The following VPS29 variants were observed in gnomAD, a reference collection of about 807,000 sequenced individuals.
VPS29 encodes VPS29 retromer complex component, also known as vacuolar protein sorting-associated protein 29.
In VPS29, 2 loss-of-function variants were observed where a neutral mutation model predicts 20.0. The ratio of observed to expected loss-of-function variants is 0.10; its 90% CI spans 0.04 to 0.31. VPS29 has a LOEUF of 0.31. VPS29 is among the 10% of genes least tolerant of loss of function. The pLI is 1.00. For synonymous variants in VPS29, 81 were observed against 79.3 expected, an observed-to-expected ratio of 1.02 and a Z score of -0.12; for missense variants, 120 against 215.3, an observed-to-expected ratio of 0.56 and a Z score of 2.77.
intron 1 of VPS29, chr12:110,499,303 C>T (rs761928403): frequency 3.4e-5 from 16 of 469,988 alleles, no homozygotes; most frequent in South Asian, 8.0e-5. Flanking sequence ...AACATGTTCC[C>T]GCCCAAATTC....
At position 110,496,096 on chromosome 12, in the gene VPS29, T is replaced by G; in HGVS notation, c.111A>C (p.Thr37=). The G allele has an allele frequency of 1.2e-6, 2 of 1,614,128 alleles. No individual in the cohort carries two copies. Among genetic ancestry groups the G allele is most frequent in the South Asian group, 2.2e-5 (2 of 91,076 alleles). The change falls in exon 2 of 4, where the codon ACA becomes ACC. Residue 37 remains threonine, a synonymous_variant. Transcript: ENST00000549578. ...VPGKIQHILC[T]GNLCTKESYD... is the part of the protein sequence containing the mutation. ...AACTCTCTTTGGTGCAAAGGTTTCC[T>G]GTGCAGAGAATGTGCTGAATTTTTC...
chr12:110,495,668 C>T (rs2062894779), intron 2 of VPS29, among the ~76,000 whole-genome samples: 1 of 152,088 alleles, frequency 6.6e-6, no homozygotes, highest in Non-Finnish European at 1.5e-5. Flanking sequence ...GATCGTGCCA[C>T]TGCATTCCAG....
intron 1 of VPS29, among the ~76,000 whole-genome samples, chr12:110,500,823 GA>G (rs1440962306): frequency 6.6e-6 from 1 of 151,906 alleles, no homozygotes. Flanking sequence ...ACACAGGGTG[GA>G]AGGGGACCCG....
chr12:110,499,843 C>G (rs529905686), intron 1 of VPS29, among the ~76,000 whole-genome samples: 1 of 152,102 alleles, frequency 6.6e-6, no homozygotes, highest in Non-Finnish European at 1.5e-5. Context: ...TAATCTTGTT[C>G]TGTACATCGA....
rs904200816 is a variant in VPS29 at position 110,491,894 on chromosome 12, T to C, written c.*111A>G. On this transcript the variant is annotated 3_prime_UTR_variant, in exon 4 of 4. Coordinates refer to ENST00000549578, the MANE Select transcript of VPS29 (RefSeq NM_016226.5). Reference sequence around the variant, plus strand: ...TAACAGAGAAGATGGTATTATATTTTACTGCAAAATATTATAAAAGTGATA... The same window carrying C: ...TAACAGAGAAGATGGTATTATATTTCACTGCAAAATATTATAAAAGTGATA... The C allele has an allele frequency of 1.3e-6, 1 of 766,762 alleles. No homozygotes were observed. The highest frequency in any genetic ancestry group is 2.2e-6 in the Non-Finnish European group (1 of 452,358). The allele number at this position is 766,762 out of a possible 1,614,324, so 47.5% of individuals were successfully genotyped here. A position where few individuals can be genotyped will look rare whatever the true frequency, so the allele number is the denominator to read the frequency against.
At chr12:110,495,934 C>G in intron 2 of VPS29, 78 bp downstream of exon 2, 3 of 1,324,816 alleles carry the variant, frequency 2.3e-6, no homozygotes, top group Non-Finnish European at 3.0e-6. Context: ...GTTGAGAAAC[C>G]CTGGTCTAAA....
chr12:110,499,442 T>C, intron 1 of VPS29: 1 of 1,555,906 alleles, frequency 6.4e-7, no homozygotes, highest in Non-Finnish European at 8.7e-7. Flanking sequence ...ATTCGGTTAC[T>C]TCCTTTCAAC....
chr12:110,502,056 TCACCGGGCTCCGCTCAGTCACCAC>T lies in VPS29; in HGVS notation c.-29_-6del. ...CGCAACTGCAGCCCTCACCATCCTG[TCACCGGGCTCCGCTCAGTCACCAC>T]CACCGTCGCCGCCCTCTTCCTCAGG... is the stretch of plus-strand genomic sequence containing the variant. On this transcript the variant is annotated 5_prime_UTR_variant, in exon 1 of 4. Coordinates refer to ENST00000549578, the MANE Select transcript of VPS29 (RefSeq NM_016226.5). 6.2e-7 allele frequency: 1 copy of T among 1,612,208 alleles called. No homozygotes were observed. The highest frequency in any genetic ancestry group is 8.5e-7 in the Non-Finnish European group (1 of 1,179,876).
intron 3 of VPS29, 153 bp downstream of exon 3, chr12:110,492,843 C>T (rs901859413): frequency 1.5e-6 from 1 of 680,964 alleles, no homozygotes; most frequent in East Asian, 2.8e-5. Flanking sequence ...AGGCTGGTCT[C>T]AAACTCCTGG....
intron 1 of VPS29, among the ~76,000 whole-genome samples, chr12:110,500,152 T>G (rs1201095875): frequency 6.6e-6 from 1 of 152,152 alleles, no homozygotes; most frequent in Non-Finnish European, 1.5e-5. Flanking sequence ...GACAAAATAA[T>G]AAAAACAAAC....
chr12:110,497,719 T>C (rs2062931342), intron 1 of VPS29, among the ~76,000 whole-genome samples: 1 of 151,566 alleles, frequency 6.6e-6, no homozygotes, highest in Admixed American at 6.6e-5. Flanking sequence ...GGTAAAACAC[T>C]GTCTTTACTA....
chr12:110,494,699 A>T (rs370292649), intron 2 of VPS29, among the ~76,000 whole-genome samples: 1 of 151,898 alleles, frequency 6.6e-6, no homozygotes, highest in East Asian at 1.9e-4. Context: ...TCCCATTATT[A>T]ACTAATGGGA....
intron 2 of VPS29, 42 bp from the exon 3 acceptor site, chr12:110,493,273 A>C: frequency 7.4e-7 from 1 of 1,351,662 alleles, no homozygotes; most frequent in Admixed American, 3.3e-5. Flanking sequence ...TATTTTAGAG[A>C]TACTGATGTT....
chr12:110,499,365 C>A, intron 1 of VPS29: 2 of 953,690 alleles, frequency 2.1e-6, no homozygotes, highest in South Asian at 2.3e-5. Flanking sequence ...TTTAAGAAAG[C>A]AAAAGATCCT....
intron 1 of VPS29, 158 bp from the exon 2 acceptor site, chr12:110,496,361 G>T: frequency 1.6e-6 from 1 of 608,162 alleles, no homozygotes; most frequent in Non-Finnish European, 2.6e-6. Flanking sequence ...AATCTCAGAA[G>T]CTGAATCTGT....
chr12:110,501,115 T>C (rs1265901319), intron 1 of VPS29, among the ~76,000 whole-genome samples: 1 of 152,020 alleles, frequency 6.6e-6, no homozygotes, highest in African/African-American at 2.4e-5. Context: ...CCGGGCGGCA[T>C]TGCAGTGAGC....
At position 110,496,006 on chromosome 12, in the gene VPS29, C is replaced by G; in HGVS notation, c.195+6G>C. 1 of 1,527,124 alleles carries G rather than the reference C, an allele frequency of 6.5e-7. No individual in the cohort carries two copies. The highest frequency in any genetic ancestry group is 8.9e-7 in the Non-Finnish European group (1 of 1,121,378). The allele number at this position is 1,527,124 out of a possible 1,614,324, so 94.6% of individuals were successfully genotyped here. A position where few individuals can be genotyped will look rare whatever the true frequency, so the allele number is the denominator to read the frequency against. ...ATATTTGAGAAGGGAAAGGGAAATA[C>G]ATCACCTCATCGAAGTCTCCTCTCA... On this transcript the variant is annotated splice_donor_region_variant and intron_variant, in intron 2 of 3. Coordinates refer to ENST00000549578, the MANE Select transcript of VPS29 (RefSeq NM_016226.5).
At chr12:110,493,631 G>C (rs1168435169) in intron 2 of VPS29, among the ~76,000 whole-genome samples, 4 of 151,994 alleles carry the variant, frequency 2.6e-5, no homozygotes, top group Admixed American at 6.6e-5. Context: ...CAAAGCGCTA[G>C]GATTACAGGC....
Position 110,502,030 on chromosome 12 carries a change from C to T in VPS29, c.3+19G>A, listed in dbSNP as rs757421475. 4 of 1,613,178 alleles carry T rather than the reference C, an allele frequency of 2.5e-6. No homozygotes were observed. The highest frequency in any genetic ancestry group is 1.3e-5 in the African/African-American group (1 of 75,052). Reference sequence around the variant, plus strand: ...CCACCCGAGAGCCAGGCCTTGGTCGCCGCAACTGCAGCCCTCACCATCCTG... The same window carrying T: ...CCACCCGAGAGCCAGGCCTTGGTCGTCGCAACTGCAGCCCTCACCATCCTG... On this transcript the variant is annotated intron_variant, in intron 1 of 3. Coordinates refer to ENST00000549578, the MANE Select transcript of VPS29 (RefSeq NM_016226.5).
Sources: allele counts gnomAD v4.1 joint callset (sites outside exome capture counted in the v4.1 genomes callset), GRCh38; gene constraint gnomAD v4.1.1; transcripts MANE v1.5; gene names NCBI Gene and HGNC (gene_info 2026-07-23, HGNC 2026-07-21).